Variants in MAN1C1 observed in about 807,000 individuals in gnomAD.
MAN1C1 encodes the protein mannosidase alpha class 1C member 1.
Under a neutral mutation model 71.5 loss-of-function variants are expected in MAN1C1, and 49 were observed. The ratio of observed to expected loss-of-function variants is 0.69; its 90% CI spans 0.54 to 0.87. MAN1C1 has a LOEUF of 0.87. Ranked by LOEUF, MAN1C1 falls within the 40% of genes least tolerant of loss-of-function variation. The pLI is 0.00. For missense variants in MAN1C1, 743 were observed against 835.0 expected, an observed-to-expected ratio of 0.89 and a Z score of 1.36; for synonymous variants, 352 against 343.7, an observed-to-expected ratio of 1.02 and a Z score of -0.27.
intron 2 of MAN1C1, among the ~76,000 whole-genome samples, chr1:25,706,525 G>A (rs528320683): frequency 6.6e-6 from 1 of 152,300 alleles, no homozygotes; most frequent in Non-Finnish European, 1.5e-5. Context: ...ACTCTGGCGG[G>A]GGGGAATCCT....
chr1:25,687,538 A>T (rs538909984), intron 2 of MAN1C1, among the ~76,000 whole-genome samples: 69 of 152,332 alleles, frequency 4.5e-4, no homozygotes, highest in African/African-American at 1.5e-3. Context: ...GAACCAAATA[A>T]CTGAGTCTGA....
In MAN1C1 at chr1:25,725,968, G is replaced by T. The variant is rs1414240486; in HGVS notation, c.638-20700G>T. ...AATGAAAGGTGAGGCTTTCATCTGA[G>T]TGAGCTGCCCAGCTGGGCATGGGCT... is the stretch of plus-strand genomic sequence containing the variant. On this transcript the variant is annotated intron_variant, in intron 2 of 11. Transcript: ENST00000374332. The surrounding 1 kb of genome is among the most constrained non-coding windows in gnomAD (Gnocchi z 4.8). Among the ~76,000 whole-genome samples the T allele has an allele frequency of 1.3e-5, 2 of 152,214 alleles. No homozygotes were observed. The highest frequency in any genetic ancestry group is 4.8e-5 in the African/African-American group (2 of 41,458).
intron 2 of MAN1C1, among the ~76,000 whole-genome samples, chr1:25,714,756 G>A (rs569512802): frequency 1.4e-3 from 208 of 152,206 alleles, no homozygotes; most frequent in African/African-American, 4.5e-3. Flanking sequence ...AGCTTTGTTC[G>A]AGCTCTCAGA....
intron 2 of MAN1C1, among the ~76,000 whole-genome samples, chr1:25,733,893 G>C (rs1036468904): frequency 1.3e-5 from 2 of 151,346 alleles, no homozygotes. Flanking sequence ...TCCGCCTCCC[G>C]TGCTCACGCC....
chr1:25,725,121 A>G lies in MAN1C1; in HGVS notation c.638-21547A>G, dbSNP rs759824234. 6.6e-6 allele frequency among the ~76,000 whole-genome samples: 1 copy of G among 152,242 alleles called. No individual in the cohort carries two copies. Among genetic ancestry groups the G allele is most frequent in the Non-Finnish European group, 1.5e-5 (1 of 68,040 alleles). On this transcript the variant is annotated intron_variant, in intron 2 of 11. Coordinates refer to ENST00000374332, the MANE Select transcript of MAN1C1 (RefSeq NM_020379.4). The surrounding 1 kb of genome is among the most constrained non-coding windows in gnomAD (Gnocchi z 4.8). ...GGGAGCTGCCTTTTGTCAAAGCACC[A>G]TTAAAACCCAGCTCTGGTCAATACC...
chr1:25,653,960 C>G (rs1383745816), intron 1 of MAN1C1, among the ~76,000 whole-genome samples: 2 of 152,132 alleles, frequency 1.3e-5, no homozygotes, highest in African/African-American at 2.4e-5. Flanking sequence ...GCCAGGGAAG[C>G]TGATAACCAA....
intron 2 of MAN1C1, among the ~76,000 whole-genome samples, chr1:25,687,792 T>C (rs546104386): frequency 1.3e-5 from 2 of 151,782 alleles, no homozygotes; most frequent in South Asian, 4.2e-4. Flanking sequence ...ATCCTAGGAG[T>C]GTATGGGGGA....
At chr1:25,622,870 GT>G (rs2045235645) in intron 1 of MAN1C1, among the ~76,000 whole-genome samples, 2 of 152,224 alleles carry the variant, frequency 1.3e-5, no homozygotes, top group South Asian at 4.1e-4. Flanking sequence ...ATTTTTTTCT[GT>G]TTTCTCTGTA....
intron 1 of MAN1C1, among the ~76,000 whole-genome samples, chr1:25,662,888 C>T (rs1224617720): frequency 1.3e-5 from 2 of 152,052 alleles, no homozygotes; most frequent in African/African-American, 2.4e-5. Flanking sequence ...GGTGAAACCC[C>T]GTCTTACTAA....
rs141210436 is a variant in MAN1C1 at position 25,782,925 on chromosome 1, G to A, written c.1766+225G>A. On this transcript the variant is annotated intron_variant, in intron 11 of 11. Coordinates refer to ENST00000374332, the MANE Select transcript of MAN1C1 (RefSeq NM_020379.4). This position sits in a 1 kb window ranked among gnomAD's most constrained non-coding sequence, Gnocchi z 4.4. ...AATCCAAGTTCCCTAGGGACGCACC[G>A]TGTGATACCGCAGGTTCCTTCAGTT... 2.0e-4 allele frequency among the ~76,000 whole-genome samples: 30 copies of A among 152,298 alleles called. No individual in the cohort carries two copies. Among genetic ancestry groups the A allele is most frequent in the Non-Finnish European group, 4.0e-4 (27 of 68,022 alleles).
chr1:25,644,509 TATATATATA>T (rs199823570), intron 1 of MAN1C1: 2 of 97,916 alleles, frequency 2.0e-5, no homozygotes, highest in African/African-American at 1.3e-4. Context: ...TATATATATA[TATATATATA>T]TTTTTTTTTT....
At chr1:25,750,924 G>A (rs1396676829) in intron 4 of MAN1C1, among the ~76,000 whole-genome samples, 3 of 152,162 alleles carry the variant, frequency 2.0e-5, no homozygotes, top group Non-Finnish European at 4.4e-5. Flanking sequence ...GAGCAATTCA[G>A]GAAAGAGTTG....
At chr1:25,673,590 T>C (rs1206755014) in intron 1 of MAN1C1, among the ~76,000 whole-genome samples, 1 of 152,126 alleles carries the variant, frequency 6.6e-6, no homozygotes, top group African/African-American at 2.4e-5. Context: ...GATGAACAGA[T>C]TGAGGCACAG....
chr1:25,657,320 C>T (rs1387274770), intron 1 of MAN1C1, among the ~76,000 whole-genome samples: 1 of 152,190 alleles, frequency 6.6e-6, no homozygotes, highest in Non-Finnish European at 1.5e-5. Context: ...TGCCTCTTCC[C>T]CAGAGGCTGG....
intron 1 of MAN1C1, among the ~76,000 whole-genome samples, chr1:25,666,156 G>A (rs1045933072): frequency 6.6e-6 from 1 of 152,114 alleles, no homozygotes; most frequent in African/African-American, 2.4e-5. Context: ...TTCATAGGAA[G>A]GAGGAATTAT....
At chr1:25,628,708 A>G (rs2045335922) in intron 1 of MAN1C1, among the ~76,000 whole-genome samples, 1 of 152,194 alleles carries the variant, frequency 6.6e-6, no homozygotes, top group African/African-American at 2.4e-5. Context: ...CCCTTAATCC[A>G]AGTAGTATAG....
chr1:25,657,150 G>A (rs892826681), intron 1 of MAN1C1, among the ~76,000 whole-genome samples: 2 of 152,198 alleles, frequency 1.3e-5, no homozygotes, highest in African/African-American at 2.4e-5. Flanking sequence ...AACCAAGCAG[G>A]GGAAAGGTCT....
Position 25,701,280 on chromosome 1 carries a change from C to T in MAN1C1, c.637+14744C>T, listed in dbSNP as rs1400887578. Among the ~76,000 whole-genome samples, 5 of 152,330 alleles carry T rather than the reference C, an allele frequency of 3.3e-5. No individual in the cohort carries two copies. In the South Asian group the frequency reaches 1.0e-3, roughly 32 times the overall value. Reference sequence around the variant, plus strand: ...TCCCTTTGCATTGTTGTCACAAAAGCTGGCAAATAAACCCACTGAGAACTC... The same window carrying T: ...TCCCTTTGCATTGTTGTCACAAAAGTTGGCAAATAAACCCACTGAGAACTC... On this transcript the variant is annotated intron_variant, in intron 2 of 11. Transcript: ENST00000374332.
chr1:25,727,403 G>A (rs1268932907), intron 2 of MAN1C1, among the ~76,000 whole-genome samples: 1 of 152,238 alleles, frequency 6.6e-6, no homozygotes, highest in Non-Finnish European at 1.5e-5. Flanking sequence ...GAGCGACTGT[G>A]TGAAGGAATG....
Sources: gnomAD v4.1 joint callset for allele counts (sites outside exome capture counted in the v4.1 genomes callset) on GRCh38, gnomAD v4.1.1 for gene constraint, Gnocchi (gnomAD v3.1) non-coding constraint, MANE v1.5 for transcripts, NCBI Gene and HGNC (gene_info 2026-07-23, HGNC 2026-07-21) for gene names.